The following ACO2 variants were observed in gnomAD, a reference collection of about 807,000 sequenced individuals.
ACO2 encodes the protein aconitate hydratase, mitochondrial.
In ACO2, 31 loss-of-function variants were observed where a neutral mutation model predicts 84.5. That is an observed-to-expected ratio of 0.37 (90% CI 0.28 to 0.50). The LOEUF (loss-of-function observed/expected upper bound fraction) is 0.50. Ranked by LOEUF, ACO2 falls within the 20% of genes least tolerant of loss-of-function variation. ACO2 has a pLI of 0.97. For synonymous variants in ACO2, 414 were observed against 412.7 expected (o/e 1.00, Z -0.04); for missense variants, 685 against 1,029.3 (o/e 0.67, Z 4.58).
intron 13 of ACO2, 44 bp downstream of exon 13, chr22:41,525,012 G>A (rs753690866): frequency 6.2e-6 from 10 of 1,613,728 alleles, no homozygotes; most frequent in Non-Finnish European, 7.6e-6. Flanking sequence ...GTGTGGCCAC[G>A]TCACTTCCTT....
chr22:41,505,158 C>T (rs891412018), intron 2 of ACO2, among the ~76,000 whole-genome samples: 5 of 152,002 alleles, frequency 3.3e-5, no homozygotes, highest in East Asian at 1.9e-4. Context: ...GTGGCTCACA[C>T]CTGTAATCCC....
At chr22:41,481,896 T>C (rs544091557) in intron 1 of ACO2, among the ~76,000 whole-genome samples, 1 of 152,328 alleles carries the variant, frequency 6.6e-6, no homozygotes, top group South Asian at 2.1e-4. Context: ...TTTGTCCCCA[T>C]GGAGCTTATA....
intron 1 of ACO2, among the ~76,000 whole-genome samples, chr22:41,498,840 T>A (rs1218054362): frequency 3.3e-5 from 5 of 152,138 alleles, no homozygotes; most frequent in African/African-American, 1.2e-4. Flanking sequence ...ATGCCTGTAA[T>A]CCCAGCACTT....
At chr22:41,511,724 A>T in intron 3 of ACO2, 152 bp from the exon 4 acceptor site, 1 of 562,754 alleles carries the variant, frequency 1.8e-6, no homozygotes, top group Non-Finnish European at 3.1e-6. Context: ...AGCTCTTTGG[A>T]ATTATTTTTA....
chr22:41,525,266 C>G lies in ACO2; in HGVS notation c.1679C>G (p.Pro560Arg), dbSNP rs2066571154. ...AGCGGGCAGCATGTGGACGTGAGCC[C>G]CACCAGCCAGCGCCTGCAGCTCCTG... ...DSSGQHVDVS[P>R]TSQRLQLLEP... The change falls in exon 14 of 18, where the codon CCC (proline) becomes CGC (arginine). Residue 560 changes from proline to arginine, a missense_variant. Coordinates refer to ENST00000216254, the MANE Select transcript of ACO2 (RefSeq NM_001098.3). 6.2e-7 allele frequency: 1 copy of G among 1,614,036 alleles called. No homozygotes were observed. Among genetic ancestry groups the G allele is most frequent in the Non-Finnish European group, 8.5e-7 (1 of 1,179,994 alleles).
At chr22:41,510,820 C>T (rs1220305384) in intron 3 of ACO2, among the ~76,000 whole-genome samples, 2 of 152,218 alleles carry the variant, frequency 1.3e-5, no homozygotes, top group African/African-American at 4.8e-5. Flanking sequence ...CAGCCCGTGT[C>T]ATCATTTCGT....
At chr22:41,473,352 A>G (rs986687837) in intron 1 of ACO2, among the ~76,000 whole-genome samples, 3 of 152,146 alleles carry the variant, frequency 2.0e-5, no homozygotes, top group Non-Finnish European at 4.4e-5. Flanking sequence ...TAAAAACACA[A>G]AATAAGCCGG....
At position 41,526,262 on chromosome 22, in the gene ACO2, G is replaced by A. The variant is rs773950353; in HGVS notation, c.1762G>A (p.Val588Ile). The change falls in exon 15 of 18, where the codon GTC becomes ATC. Residue 588 changes from valine (V) to isoleucine (I), a missense_variant and splice_region_variant. Around this residue, in one of 5 missense-constraint regions of ACO2, gnomAD observed 10 missense variants for 39.7 expected, o/e 0.25. Transcript: ENST00000216254. Reference sequence around the variant, plus strand: ...CTGTCCTCTCTACTTACCACCCAAGGTCAAAGGGAAGTGTACCACTGACCA... The same window carrying A: ...CTGTCCTCTCTACTTACCACCCAAGATCAAAGGGAAGTGTACCACTGACCA... ...DLEDLQILIK[V>I]KGKCTTDHIS... 2 of 1,611,468 alleles carry A rather than the reference G, an allele frequency of 1.2e-6. No individual in the cohort carries two copies. Among genetic ancestry groups the A allele is most frequent in the Non-Finnish European group, 1.7e-6 (2 of 1,179,440 alleles).
chr22:41,490,576 T>C (rs1198366086), intron 1 of ACO2, among the ~76,000 whole-genome samples: 1 of 152,208 alleles, frequency 6.6e-6, no homozygotes, highest in Non-Finnish European at 1.5e-5. Context: ...GTCTCTCTGC[T>C]CTTTTATATA....
chr22:41,492,050 A>G (rs1408712394), intron 1 of ACO2, among the ~76,000 whole-genome samples: 4 of 152,218 alleles, frequency 2.6e-5, no homozygotes, highest in African/African-American at 9.6e-5. Flanking sequence ...CATACCAGCT[A>G]TCGAATTCTG....
chr22:41,516,017 T>C, intron 6 of ACO2, 100 bp downstream of exon 6: 1 of 1,469,726 alleles, frequency 6.8e-7, no homozygotes, highest in African/African-American at 1.4e-5. Context: ...CTTGAGAATC[T>C]GTCTGTTCCA....
chr22:41,528,680 A>G lies in ACO2; in HGVS notation c.*67A>G. 1 of 1,580,634 alleles carries G rather than the reference A, an allele frequency of 6.3e-7. No homozygotes were observed. The highest frequency in any genetic ancestry group is 8.6e-7 in the Non-Finnish European group (1 of 1,166,874). On this transcript the variant is annotated 3_prime_UTR_variant, in exon 18 of 18. Coordinates refer to ENST00000216254, the MANE Select transcript of ACO2 (RefSeq NM_001098.3). The stretch of plus-strand genomic sequence containing the variant: ...TCCACGTGTGCCATCAGTGGATCCG[A>G]TCCGTCCAGCCATGGCTTCCTATTC...
rs769265073 is a variant in ACO2, at chr22:41,469,162, C to G, written c.16C>G (p.Leu6Val). MAPYS[L>V]LVTRLQKALG... Reference sequence around the variant, plus strand: ...AGTGCACAAAATGGCGCCCTACAGCCTACTGGTGACTCGGCTGCAGGTGAG... The same window carrying G: ...AGTGCACAAAATGGCGCCCTACAGCGTACTGGTGACTCGGCTGCAGGTGAG... The change falls in exon 1 of 18, where the codon CTA (leucine) becomes GTA (valine). Residue 6 changes from leucine to valine, a missense_variant. This residue lies in a region of ACO2 where 98 missense variants were observed against 107.6 expected (regional missense o/e 0.91). Transcript: ENST00000216254. The G allele has an allele frequency of 8.7e-6, 14 of 1,609,624 alleles. No individual in the cohort carries two copies. Among genetic ancestry groups the G allele is most frequent in the Non-Finnish European group, 1.2e-5 (14 of 1,177,844 alleles).
In ACO2 at chr22:41,508,429, C is replaced by T. The variant is rs564196197; in HGVS notation, c.432+380C>T. ...CCAGCATCCCATTTGCACCCACTCCCGCTCTCCTCTGACCCTCCAAGGACC... is the reference window on the plus strand; with the variant it reads ...CCAGCATCCCATTTGCACCCACTCCTGCTCTCCTCTGACCCTCCAAGGACC... On this transcript the variant is annotated intron_variant, in intron 3 of 17. Coordinates refer to ENST00000216254, the MANE Select transcript of ACO2 (RefSeq NM_001098.3). Among the ~76,000 whole-genome samples, 13 of 152,288 alleles carry T rather than the reference C, an allele frequency of 8.5e-5. No individual in the cohort carries two copies. The East Asian group carries it at 1.5e-3, about 18-fold the overall frequency.
At chr22:41,506,749 A>G (rs1032874633) in intron 2 of ACO2, among the ~76,000 whole-genome samples, 2 of 152,044 alleles carry the variant, frequency 1.3e-5, no homozygotes, top group Non-Finnish European at 2.9e-5. Context: ...GCCTCAAACA[A>G]TAGGACAGAG....
intron 3 of ACO2, among the ~76,000 whole-genome samples, chr22:41,509,815 C>T (rs181140053): frequency 0.014 from 1,512 of 107,872 alleles, 36 homozygotes; most frequent in African/African-American, 0.051. Flanking sequence ...AGAATATGGT[C>T]TTTTTTTTTT....
At chr22:41,473,856 G>A (rs2037975384) in intron 1 of ACO2, among the ~76,000 whole-genome samples, 1 of 152,176 alleles carries the variant, frequency 6.6e-6, no homozygotes, top group South Asian at 2.1e-4. Context: ...GTGTGTTGAG[G>A]ATAAGAGCTA....
In ACO2 at chr22:41,469,238, C is replaced by T. The variant is rs2037908502; in HGVS notation, c.36+56C>T. The T allele has an allele frequency of 2.7e-5, 42 of 1,576,080 alleles. No homozygotes were observed. The South Asian group carries it at 4.0e-4, about 15-fold the overall frequency. On this transcript the variant is annotated intron_variant, in intron 1 of 17. Coordinates refer to ENST00000216254, the MANE Select transcript of ACO2 (RefSeq NM_001098.3). ...GGGGGCGGGGTGCCTCCTACTGTGC[C>T]GGCGGCTGTGGGCGAGGCAGGGCGA... is the stretch of plus-strand genomic sequence containing the variant.
chr22:41,477,909 A>G (rs1270201945), intron 1 of ACO2, among the ~76,000 whole-genome samples: 1 of 151,938 alleles, frequency 6.6e-6, no homozygotes, highest in Non-Finnish European at 1.5e-5. Context: ...TACTAAAAAT[A>G]CAGATATGAG....
Sources: allele counts gnomAD v4.1 joint callset (sites outside exome capture counted in the v4.1 genomes callset), GRCh38; gene constraint gnomAD v4.1.1; regional missense constraint gnomAD v4.1.1; transcripts MANE v1.5; gene names NCBI Gene and HGNC (gene_info 2026-07-23, HGNC 2026-07-21).